The following DOCK4 variants were observed in gnomAD, a reference collection of about 807,000 sequenced individuals.
The protein encoded by DOCK4 is dedicator of cytokinesis protein 4.
DOCK4 carries 97 observed loss-of-function variants against 268.1 expected under a neutral mutation model. The observed-to-expected ratio is 0.36, with a 90% CI of 0.31 to 0.43. The LOEUF is 0.43. Among genes scored for constraint, DOCK4 ranks in the 20% least tolerant of loss-of-function variants. The pLI, the probability that DOCK4 is intolerant of heterozygous loss-of-function variation, is 1.00. For missense variants in DOCK4, 2,145 were observed against 2,455.7 expected, an observed-to-expected ratio of 0.87 and a Z score of 2.67; for synonymous variants, 954 against 887.2, an observed-to-expected ratio of 1.08 and a Z score of -1.34.
chr7:112,088,904 T>C (rs1809363796), intron 1 of DOCK4, among the ~76,000 whole-genome samples: 1 of 152,086 alleles, frequency 6.6e-6, no homozygotes, highest in Admixed American at 6.6e-5. Flanking sequence ...AGTAATGCAT[T>C]TAAAGAGCTT....
In DOCK4 at chr7:111,998,512, GAA is replaced by G; in HGVS notation, c.163-11_163-10del. ...CTGGAAGGAAATATACCCTGGAAAA[GAA>G]AACATGAAGGTTACGATGCCGGCTG... On this transcript the variant is annotated splice_polypyrimidine_tract_variant and intron_variant, in intron 3 of 52. Coordinates refer to ENST00000428084, the MANE Select transcript of DOCK4 (RefSeq NM_001363540.2). The G allele has an allele frequency of 6.3e-7, 1 of 1,579,114 alleles. No individual in the cohort carries two copies. Among genetic ancestry groups the G allele is most frequent in the Non-Finnish European group, 8.6e-7 (1 of 1,160,204 alleles).
intron 29 of DOCK4, among the ~76,000 whole-genome samples, 197 bp from the exon 30 acceptor site, chr7:111,809,076 T>A (rs907541569): frequency 1.3e-5 from 2 of 152,210 alleles, no homozygotes; most frequent in Non-Finnish European, 2.9e-5. Flanking sequence ...TGTTTCATAA[T>A]TTTTTGCATC....
At chr7:112,067,242 TAAAA>T (rs76863833) in intron 1 of DOCK4, among the ~76,000 whole-genome samples, 1 of 136,146 alleles carries the variant, frequency 7.3e-6, no homozygotes, top group Non-Finnish European at 1.6e-5. Flanking sequence ...CACCTTTACT[TAAAA>T]AAAAAAAAAA....
chr7:111,937,184 T>C (rs1281904656), intron 11 of DOCK4, among the ~76,000 whole-genome samples: 1 of 152,224 alleles, frequency 6.6e-6, no homozygotes, highest in Non-Finnish European at 1.5e-5. Flanking sequence ...AGGCATTTGC[T>C]ACTGTTCTTT....
At chr7:111,971,359 T>C (rs113132072) in intron 8 of DOCK4, 2,121 of 190,286 alleles carry the variant, frequency 0.011, 47 homozygotes, top group African/African-American at 0.048. Flanking sequence ...CCTGATAGCT[T>C]CCACTGGCTT....
At chr7:111,950,665 T>G (rs1452788232) in intron 8 of DOCK4, among the ~76,000 whole-genome samples, 1 of 152,242 alleles carries the variant, frequency 6.6e-6, no homozygotes, top group Non-Finnish European at 1.5e-5. Context: ...TTTCCCATTA[T>G]GTCCTTTACT....
At chr7:111,866,488 T>C (rs1223167792) in intron 22 of DOCK4, among the ~76,000 whole-genome samples, 2 of 152,292 alleles carry the variant, frequency 1.3e-5, no homozygotes, top group Non-Finnish European at 2.9e-5. Flanking sequence ...GAGCAAAAAA[T>C]ATCAAATATG....
At position 111,767,907 on chromosome 7, in the gene DOCK4, G is replaced by A. The variant is rs1290345724; in HGVS notation, c.3829-789C>T. On this transcript the variant is annotated intron_variant, in intron 37 of 52. Coordinates refer to ENST00000428084, the MANE Select transcript of DOCK4 (RefSeq NM_001363540.2). ...AAAAATTCTTTAATCTAGTATAGGT[G>A]TCAGCAAACATTTTCTGCAAAGGGC... Among the ~76,000 whole-genome samples the A allele has an allele frequency of 2.6e-5, 4 of 152,038 alleles. 1 individual carries two copies. The highest frequency in any genetic ancestry group is 5.9e-5 in the Non-Finnish European group (4 of 68,016).
At chr7:111,766,698 A>T (rs1214565502) in intron 38 of DOCK4, among the ~76,000 whole-genome samples, 1 of 152,226 alleles carries the variant, frequency 6.6e-6, no homozygotes, top group East Asian at 1.9e-4. Context: ...TGGGACTAAG[A>T]ATGGTATATT....
intron 42 of DOCK4, among the ~76,000 whole-genome samples, chr7:111,750,944 T>C (rs893241854): frequency 3.9e-5 from 6 of 152,234 alleles, no homozygotes; most frequent in African/African-American, 1.4e-4. Context: ...TACAGCATTA[T>C]CTTTCCTGTA....
Position 112,198,359 on chromosome 7 carries a change from G to A in DOCK4, c.37+7743C>T, listed in dbSNP as rs368362948. Among the ~76,000 whole-genome samples, 8 of 152,084 alleles carry A rather than the reference G, an allele frequency of 5.3e-5. No individual in the cohort carries two copies. The East Asian group carries it at 5.8e-4, about 11-fold the overall frequency. ...CTTGATCTTGGACTTCCTAGCCTGCGGAACTGTGAGAAACAAATTTCTTTT... is the reference window on the plus strand; with the variant it reads ...CTTGATCTTGGACTTCCTAGCCTGCAGAACTGTGAGAAACAAATTTCTTTT... On this transcript the variant is annotated intron_variant, in intron 1 of 52. Coordinates refer to ENST00000428084, the MANE Select transcript of DOCK4 (RefSeq NM_001363540.2).
At chr7:112,034,249 T>C (rs1803538334) in intron 1 of DOCK4, among the ~76,000 whole-genome samples, 1 of 152,186 alleles carries the variant, frequency 6.6e-6, no homozygotes, top group Non-Finnish European at 1.5e-5. Context: ...AAAAAATTTT[T>C]AAATATCTTT....
intron 8 of DOCK4, among the ~76,000 whole-genome samples, chr7:111,973,156 C>CGTATATATATATAT (rs990863473): frequency 8.8e-6 from 1 of 114,062 alleles, no homozygotes; most frequent in Non-Finnish European, 1.7e-5. Context: ...TATTCCATGG[C>CGTATATATATATAT]ATATATATAT....
At chr7:112,043,895 A>G (rs1804615266) in intron 1 of DOCK4, among the ~76,000 whole-genome samples, 1 of 152,006 alleles carries the variant, frequency 6.6e-6, no homozygotes, top group Non-Finnish European at 1.5e-5. Flanking sequence ...AACTAAGTTT[A>G]AAGAAAAGAC....
chr7:112,003,915 C>T (rs1800641390), intron 2 of DOCK4, 133 bp downstream of exon 2: 8 of 550,298 alleles, frequency 1.5e-5, no homozygotes, highest in Non-Finnish European at 2.5e-5. Context: ...ACTGAAAATG[C>T]AGGAAACAAT....
At chr7:112,127,901 C>A (rs1813388957) in intron 1 of DOCK4, among the ~76,000 whole-genome samples, 1 of 152,080 alleles carries the variant, frequency 6.6e-6, no homozygotes, top group Admixed American at 6.5e-5. Context: ...TGGTGGTGCA[C>A]ACCTGTAATT....
chr7:112,084,766 TCA>T (rs1280713810), intron 1 of DOCK4, among the ~76,000 whole-genome samples: 1 of 152,102 alleles, frequency 6.6e-6, no homozygotes, highest in Non-Finnish European at 1.5e-5. Context: ...TAATGCCAAA[TCA>T]CAGTGACATG....
At chr7:111,734,465 G>A (rs962520699) in intron 51 of DOCK4, among the ~76,000 whole-genome samples, 1 of 152,174 alleles carries the variant, frequency 6.6e-6, no homozygotes, top group African/African-American at 2.4e-5. Context: ...GGTATTACAG[G>A]CATAAGCCAA....
chr7:112,001,666 T>G (rs550911777), intron 2 of DOCK4, among the ~76,000 whole-genome samples: 1 of 152,352 alleles, frequency 6.6e-6, no homozygotes, highest in South Asian at 2.1e-4. Context: ...AAAATGAATC[T>G]TCTATTCATG....
Sources: gnomAD v4.1 joint callset for allele counts (sites outside exome capture counted in the v4.1 genomes callset) on GRCh38, gnomAD v4.1.1 for gene constraint, MANE v1.5 for transcripts, NCBI Gene and HGNC (gene_info 2026-07-23, HGNC 2026-07-21) for gene names.